Variants in NUP188 observed in about 807,000 individuals in gnomAD.
NUP188 encodes nucleoporin NUP188.
NUP188 carries 97 observed loss-of-function variants against 223.0 expected under a neutral mutation model. The observed-to-expected ratio is 0.43, with a 90% CI of 0.37 to 0.51. The LOEUF (loss-of-function observed/expected upper bound fraction) is 0.51, where lower values mean the gene tolerates loss of function less well. NUP188 is among the 20% of genes least tolerant of loss of function. The pLI is 0.00. For missense variants in NUP188, 1,947 were observed against 2,175.6 expected, an observed-to-expected ratio of 0.89 and a Z score of 2.09; for synonymous variants, 869 against 828.0, an observed-to-expected ratio of 1.05 and a Z score of -0.85.
chr9:128,974,040 A>T (rs1037438922), intron 12 of NUP188, among the ~76,000 whole-genome samples: 1 of 152,010 alleles, frequency 6.6e-6, no homozygotes, highest in Non-Finnish European at 1.5e-5. Flanking sequence ...CCTCTTAAAT[A>T]GCTGGGATTA....
chr9:128,949,919 CTTTTTTTTTTT>C (rs35705253), intron 2 of NUP188, among the ~76,000 whole-genome samples: 15 of 81,234 alleles, frequency 1.8e-4, no homozygotes, highest in Admixed American at 3.3e-4. Context: ...GTGACGGCCA[CTTTTTTTTTTT>C]TTTTTTTTTT....
Position 128,999,767 on chromosome 9 carries a change from G to T in NUP188, c.3805G>T (p.Asp1269Tyr), listed in dbSNP as rs753908189. 5.0e-6 allele frequency: 8 copies of T among 1,614,204 alleles called. No homozygotes were observed. In the South Asian group the frequency reaches 8.8e-5, roughly 18 times the overall value. ...TEDKDSMETD[D>Y]CSRSRHRDQR... The stretch of plus-strand genomic sequence containing the variant: ...GGACAAGGACAGCATGGAGACTGAC[G>T]ACTGTTCTCGGTCCCGGCACAGGGA... The change falls in exon 34 of 44, where the codon GAC becomes TAC. Residue 1269 changes from aspartate to tyrosine, a missense_variant. Physicochemically the swap from Asp to Tyr is radical, Grantham distance 160. Transcript: ENST00000372577.
In NUP188 at chr9:128,998,516, C is replaced by A. The variant is rs773547937; in HGVS notation, c.3430-22C>A. 5 of 1,605,270 alleles carry A rather than the reference C, an allele frequency of 3.1e-6. 1 individual carries two copies. The South Asian group carries it at 5.5e-5, about 18-fold the overall frequency. ...TGCGAATCTTTCCACTGACTTCTGA[C>A]TGGTGTGCTGTCTCCTTTCAGCTCC... is the stretch of plus-strand genomic sequence containing the variant. On this transcript the variant is annotated intron_variant, in intron 31 of 43. Transcript: ENST00000372577.
intron 7 of NUP188, 55 bp downstream of exon 7, chr9:128,958,949 T>C (rs1246421544): frequency 1.9e-5 from 27 of 1,399,564 alleles, no homozygotes; most frequent in Non-Finnish European, 2.2e-5. Flanking sequence ...TTAATAATTT[T>C]ATTAATATTT....
chr9:129,003,270 G>T (rs773325570), intron 37 of NUP188, 47 bp from the exon 38 acceptor site: 6 of 1,575,720 alleles, frequency 3.8e-6, no homozygotes, highest in Non-Finnish European at 3.4e-6. Context: ...GGTATGTCAG[G>T]TCCCTCAGCC....
At chr9:128,981,007 G>A (rs1238400967) in intron 14 of NUP188, among the ~76,000 whole-genome samples, 1 of 152,146 alleles carries the variant, frequency 6.6e-6, no homozygotes, top group South Asian at 2.1e-4. Flanking sequence ...AGAGCCAGGT[G>A]GTACAGAGTA....
At chr9:129,005,122 C>T (rs746066615) in intron 38 of NUP188, 25 bp from the exon 39 acceptor site, 17 of 1,588,852 alleles carry the variant, frequency 1.1e-5, no homozygotes, top group Non-Finnish European at 1.4e-5. Flanking sequence ...AGAGAATCCG[C>T]TCATCTCTCC....
intron 11 of NUP188, 137 bp downstream of exon 11, chr9:128,971,095 G>A (rs2131155768): frequency 1.5e-6 from 1 of 685,448 alleles, no homozygotes; most frequent in Non-Finnish European, 2.6e-6. Flanking sequence ...ACATCATCAG[G>A]CATTATTTAT....
chr9:128,996,653 G>T (rs1319731009), intron 30 of NUP188, among the ~76,000 whole-genome samples: 1 of 152,076 alleles, frequency 6.6e-6, no homozygotes, highest in African/African-American at 2.4e-5. Flanking sequence ...ACACTTAAAG[G>T]CTCACCTGTC....
intron 34 of NUP188, among the ~76,000 whole-genome samples, chr9:129,001,066 T>C (rs956369549): frequency 6.6e-6 from 1 of 152,140 alleles, no homozygotes; most frequent in Non-Finnish European, 1.5e-5. Flanking sequence ...CTCTGGGTCA[T>C]GGCCAAAAAG....
intron 8 of NUP188, among the ~76,000 whole-genome samples, chr9:128,966,404 T>C (rs1842031707): frequency 6.6e-6 from 1 of 151,834 alleles, no homozygotes; most frequent in Non-Finnish European, 1.5e-5. Flanking sequence ...TGAGACAGGT[T>C]CTTTCTCTGT....
In NUP188 at chr9:128,950,080, G is replaced by A. The variant is rs570820057; in HGVS notation, c.87+837G>A. On this transcript the variant is annotated intron_variant, in intron 2 of 43. Coordinates refer to ENST00000372577, the MANE Select transcript of NUP188 (RefSeq NM_015354.3). ...TGGGATTAGAGGTGCCCACCACCAC[G>A]CCCTGCTGATTTTTATATTTTTAGT... is the stretch of plus-strand genomic sequence containing the variant. 7.3e-5 allele frequency among the ~76,000 whole-genome samples: 11 copies of A among 151,170 alleles called. No individual in the cohort carries two copies. In the East Asian group the frequency reaches 2.0e-3, roughly 27 times the overall value.
At chr9:128,987,753 T>G (rs1842359210) in intron 23 of NUP188, 36 bp downstream of exon 23, 2 of 1,601,300 alleles carry the variant, frequency 1.2e-6, no homozygotes, top group Admixed American at 1.8e-5. Context: ...TTGTCTGTCT[T>G]TATTGTGCCT....
At chr9:128,949,103 A>G (rs1588265004) in intron 1 of NUP188, 86 bp from the exon 2 acceptor site, 1 of 950,874 alleles carries the variant, frequency 1.1e-6, no homozygotes, top group Non-Finnish European at 1.6e-6. Context: ...TTTTGCTTTT[A>G]GAGAGCAGAC....
At chr9:128,963,814 G>T (rs1208287565) in intron 8 of NUP188, among the ~76,000 whole-genome samples, 14 of 140,398 alleles carry the variant, frequency 1.0e-4, no homozygotes, top group African/African-American at 2.3e-4. Context: ...CTTATTGTGG[G>T]TTTTTTTTTT....
intron 2 of NUP188, among the ~76,000 whole-genome samples, chr9:128,950,502 T>A (rs970362538): frequency 6.6e-6 from 1 of 152,250 alleles, no homozygotes; most frequent in Non-Finnish European, 1.5e-5. Flanking sequence ...ATTGCAGGCA[T>A]GAGCCACTGT....
intron 8 of NUP188, among the ~76,000 whole-genome samples, chr9:128,961,383 G>A (rs1392515109): frequency 4.0e-5 from 6 of 150,892 alleles, no homozygotes; most frequent in East Asian, 4.0e-4. Flanking sequence ...GTGGTGGCAC[G>A]TGCCTGTACT....
chr9:128,965,419 G>A (rs1028163029), intron 8 of NUP188, among the ~76,000 whole-genome samples: 1 of 151,920 alleles, frequency 6.6e-6, no homozygotes, highest in Non-Finnish European at 1.5e-5. Flanking sequence ...ACTCATTTCT[G>A]ATAATGGTAG....
chr9:128,972,030 C>T (rs1261014302), intron 11 of NUP188, among the ~76,000 whole-genome samples: 2 of 152,156 alleles, frequency 1.3e-5, no homozygotes, highest in African/African-American at 2.4e-5. Context: ...CCTCAGCCTC[C>T]CAAAGTTCTG....
Sources: gnomAD v4.1 joint callset for allele counts (sites outside exome capture counted in the v4.1 genomes callset) on GRCh38, gnomAD v4.1.1 for gene constraint, MANE v1.5 for transcripts, NCBI Gene and HGNC (gene_info 2026-07-23, HGNC 2026-07-21) for gene names.